VPS39: variants seen among roughly 807,000 people sequenced by gnomAD.
VPS39 encodes VPS39 subunit of HOPS complex, also known as vam6/Vps39-like protein.
Under a neutral mutation model 121.0 loss-of-function variants are expected in VPS39, and 70 were observed. That is an observed-to-expected ratio of 0.58 (90% CI 0.48 to 0.71). The LOEUF is 0.71. VPS39 is among the 30% of genes least tolerant of loss of function. The pLI, the probability that VPS39 is intolerant of heterozygous loss-of-function variation, is 0.00. For synonymous variants in VPS39, 378 were observed against 398.1 expected, an observed-to-expected ratio of 0.95 and a Z score of 0.60; for missense variants, 818 against 1,051.5, an observed-to-expected ratio of 0.78 and a Z score of 3.07.
At chr15:42,165,426 G>T in intron 17 of VPS39, 1 of 495,770 alleles carries the variant, frequency 2.0e-6, no homozygotes, top group Non-Finnish European at 3.6e-6. Context: ...CTATTTGATT[G>T]TCCTGTGGTC....
rs367968892 is a variant in VPS39 at position 42,178,274 on chromosome 15, T to G, written c.904A>C (p.Thr302Pro). ...VWRLIPVPMA[T>P]QIQQLLQDKQ... is the part of the protein sequence containing the mutation. ...TCCTGGAGAAGTTGTTGGATTTGGGTTGCCATGGGGACAGGGATGAGTCTC... is the reference window on the plus strand; with the variant it reads ...TCCTGGAGAAGTTGTTGGATTTGGGGTGCCATGGGGACAGGGATGAGTCTC... The change falls in exon 10 of 25, where the codon ACC becomes CCC. Residue 302 changes from threonine to proline, a missense_variant. Coordinates refer to ENST00000318006, the MANE Select transcript of VPS39 (RefSeq NM_015289.5). The G allele has an allele frequency of 2.5e-5, 40 of 1,614,026 alleles. No homozygotes were observed. Among genetic ancestry groups the G allele is most frequent in the Non-Finnish European group, 3.2e-5 (38 of 1,180,026 alleles).
rs546256846 is a variant in VPS39 at position 42,208,274 on chromosome 15, G to A, written c.-121C>T. 256 of 1,314,958 alleles carry A rather than the reference G, an allele frequency of 1.9e-4. No individual in the cohort carries two copies. The African/African-American group carries it at 3.2e-3, about 16-fold the overall frequency. The allele number at this position is 1,314,958 out of a possible 1,614,324, so 81.5% of individuals were successfully genotyped here. A position where few individuals can be genotyped will look rare whatever the true frequency, so the allele number is the denominator to read the frequency against. The stretch of plus-strand genomic sequence containing the variant: ...CCGGCCAGGAACCCCCCGGCTACAG[G>A]CCCTTCAACAACACAGCCATCGTCA... On this transcript the variant is annotated 5_prime_UTR_variant, in exon 1 of 25. Coordinates refer to ENST00000318006, the MANE Select transcript of VPS39 (RefSeq NM_015289.5).
intron 24 of VPS39, 172 bp from the exon 25 acceptor site, chr15:42,161,001 C>G: frequency 1.6e-6 from 1 of 633,326 alleles, no homozygotes; most frequent in Non-Finnish European, 2.8e-6. Context: ...TAGCCATCAT[C>G]TCTGTCAAAT....
At chr15:42,178,194 A>C in intron 10 of VPS39, 24 bp downstream of exon 10, 1 of 1,613,614 alleles carries the variant, frequency 6.2e-7, no homozygotes, top group South Asian at 1.1e-5. Context: ...TAAGGAAGGA[A>C]GACTAGTCAG....
Position 42,187,251 on chromosome 15 carries a change from G to C in VPS39, c.534+20C>G, listed in dbSNP as rs765319652. 6.4e-7 allele frequency: 1 copy of C among 1,573,368 alleles called. No homozygotes were observed. The highest frequency in any genetic ancestry group is 1.2e-5 in the South Asian group (1 of 85,294). On this transcript the variant is annotated intron_variant, in intron 7 of 24. Coordinates refer to ENST00000318006, the MANE Select transcript of VPS39 (RefSeq NM_015289.5). ...TCCCCAAGATAAACTAATGATATTT[G>C]CAAAATAATAAGATTTTACCCTTAT...
chr15:42,185,123 G>A (rs1314056638), intron 7 of VPS39, among the ~76,000 whole-genome samples: 1 of 151,796 alleles, frequency 6.6e-6, no homozygotes, highest in Non-Finnish European at 1.5e-5. Context: ...TTACACAAAC[G>A]CTTGTATGCA....
Position 42,161,691 on chromosome 15 carries a change from A to G in VPS39, c.2543T>C (p.Ile848Thr). ...TGTGAAGGAGGCTCACCTGTTCCCAATCTTCTTCTTACACACCATGCACAC... is the reference window on the plus strand; with the variant it reads ...TGTGAAGGAGGCTCACCTGTTCCCAGTCTTCTTCTTACACACCATGCACAC... Reference protein sequence around the residue: ...EKVCMVCKKKIGNSAFARYPN... With the variant: ...EKVCMVCKKKTGNSAFARYPN... Residue 848 changes from isoleucine to threonine, a missense_variant, in exon 24 of 25, where the codon ATT (isoleucine) becomes ACT (threonine). Ile to Thr is a moderately conservative substitution (Grantham distance 89). Transcript: ENST00000318006. 1.2e-6 allele frequency: 2 copies of G among 1,614,176 alleles called. No homozygotes were observed. The highest frequency in any genetic ancestry group is 1.7e-6 in the Non-Finnish European group (2 of 1,180,028).
Position 42,173,679 on chromosome 15 carries a change from C to T in VPS39, c.1090+44G>A, listed in dbSNP as rs759979133. On this transcript the variant is annotated intron_variant, in intron 11 of 24. Coordinates refer to ENST00000318006, the MANE Select transcript of VPS39 (RefSeq NM_015289.5). ...TTTCTCCCCATACTTTTCAGGCTCC[C>T]CTCCTCCATTAGTCCCTTATATAAA... is the stretch of plus-strand genomic sequence containing the variant. The T allele has an allele frequency of 5.0e-6, 8 of 1,592,426 alleles. No homozygotes were observed. In the South Asian group the frequency reaches 9.1e-5, roughly 18 times the overall value.
intron 8 of VPS39, among the ~76,000 whole-genome samples, chr15:42,182,463 C>A (rs563428501): frequency 6.6e-6 from 1 of 152,284 alleles, no homozygotes; most frequent in South Asian, 2.1e-4. Flanking sequence ...AGTTGGGAGA[C>A]TGGCTGGTGT....
At chr15:42,195,618 T>C (rs1319283771) in intron 2 of VPS39, among the ~76,000 whole-genome samples, 1 of 152,182 alleles carries the variant, frequency 6.6e-6, no homozygotes, top group Non-Finnish European at 1.5e-5. Context: ...TTACAAGGGA[T>C]GTGAAGAACC....
chr15:42,160,486 T>A lies in VPS39; in HGVS notation c.*268A>T. On this transcript the variant is annotated 3_prime_UTR_variant, in exon 25 of 25. Coordinates refer to ENST00000318006, the MANE Select transcript of VPS39 (RefSeq NM_015289.5). ...GTGTGCAAAGGCAAGATGGTGCACATCCTCCTGACCAAGCAGGTACTGAAT... is the reference window on the plus strand; with the variant it reads ...GTGTGCAAAGGCAAGATGGTGCACAACCTCCTGACCAAGCAGGTACTGAAT... 1 of 462,020 alleles carries A rather than the reference T, an allele frequency of 2.2e-6. No individual in the cohort carries two copies. The highest frequency in any genetic ancestry group is 4.0e-6 in the Non-Finnish European group (1 of 252,484). The allele number at this position is 462,020 out of a possible 1,614,324, so 28.6% of individuals were successfully genotyped here.
chr15:42,184,803 T>C, intron 7 of VPS39, 103 bp from the exon 8 acceptor site: 1 of 1,102,100 alleles, frequency 9.1e-7, no homozygotes, highest in Non-Finnish European at 1.3e-6. Context: ...CCAATAATAT[T>C]CCTTGTTTGA....
At chr15:42,181,627 T>C (rs1035031443) in intron 8 of VPS39, among the ~76,000 whole-genome samples, 2 of 152,056 alleles carry the variant, frequency 1.3e-5, no homozygotes, top group Non-Finnish European at 2.9e-5. Context: ...GATGCATAAT[T>C]ACCACATAGA....
chr15:42,197,625 C>T (rs2049971040), intron 2 of VPS39, among the ~76,000 whole-genome samples: 1 of 152,082 alleles, frequency 6.6e-6, no homozygotes, highest in Non-Finnish European at 1.5e-5. Context: ...TTAGAATCAA[C>T]CAGTTAAAAA....
Position 42,162,462 on chromosome 15 carries a change from C to T in VPS39, c.2195G>A (p.Arg732Gln), listed in dbSNP as rs554739918. Residue 732 changes from arginine (R) to glutamine (Q), a missense_variant, in exon 22 of 25, where the codon CGG becomes CAG. Coordinates refer to ENST00000318006, the MANE Select transcript of VPS39 (RefSeq NM_015289.5). ...AATGCTGGGGGGCGACAGGTACATC[C>T]GAAGCAGGGACAGATACACCTGTCT... is the stretch of plus-strand genomic sequence containing the variant. ...GNKDVYLSLL[R>Q]MYLSPPSIHC... 1.3e-5 allele frequency: 21 copies of T among 1,608,112 alleles called. No individual in the cohort carries two copies. The highest frequency in any genetic ancestry group is 4.5e-5 in the East Asian group (2 of 44,774).
intron 3 of VPS39, 24 bp from the exon 4 acceptor site, chr15:42,191,191 C>T: frequency 1.9e-6 from 3 of 1,613,370 alleles, no homozygotes; most frequent in Non-Finnish European, 2.5e-6. Context: ...AATCATGAGA[C>T]CCAATTAAAC....
intron 11 of VPS39, among the ~76,000 whole-genome samples, chr15:42,170,555 T>C (rs910009529): frequency 3.3e-5 from 5 of 151,952 alleles, no homozygotes; most frequent in African/African-American, 1.2e-4. Context: ...TCACATAAAT[T>C]GGCAATAAAA....
chr15:42,184,804 C>T, intron 7 of VPS39, 104 bp from the exon 8 acceptor site: 1 of 1,076,334 alleles, frequency 9.3e-7, no homozygotes, highest in East Asian at 2.4e-5. Context: ...CAATAATATT[C>T]CTTGTTTGAC....
intron 2 of VPS39, among the ~76,000 whole-genome samples, chr15:42,193,670 C>T (rs902873456): frequency 1.3e-5 from 2 of 152,066 alleles, no homozygotes; most frequent in Non-Finnish European, 2.9e-5. Flanking sequence ...AAAAATGACA[C>T]TCATTATTAT....
Sources: gnomAD v4.1 joint callset for allele counts (sites outside exome capture counted in the v4.1 genomes callset) on GRCh38, gnomAD v4.1.1 for gene constraint, MANE v1.5 for transcripts, NCBI Gene and HGNC (gene_info 2026-07-23, HGNC 2026-07-21) for gene names.